Variants in SVEP1 observed in about 807,000 individuals in gnomAD.
SVEP1 encodes the protein sushi, von Willebrand factor type A, EGF and pentraxin domain-containing protein 1.
Under a neutral mutation model 367.3 loss-of-function variants are expected in SVEP1, and 164 were observed. That is an observed-to-expected ratio of 0.45 (90% CI 0.39 to 0.51). The LOEUF (loss-of-function observed/expected upper bound fraction) is 0.51, where lower values mean the gene tolerates loss of function less well. SVEP1 is among the 20% of genes least tolerant of loss of function. The pLI, the probability that SVEP1 is intolerant of heterozygous loss-of-function variation, is 0.00. For synonymous variants in SVEP1, 1,666 were observed against 1,611.6 expected (o/e 1.03, Z -0.81); for missense variants, 4,117 against 4,425.3 (o/e 0.93, Z 1.98).
At chr9:110,560,865 C>G (rs903586462) in intron 1 of SVEP1, among the ~76,000 whole-genome samples, 1 of 152,148 alleles carries the variant, frequency 6.6e-6, no homozygotes, top group Non-Finnish European at 1.5e-5. Flanking sequence ...TCTTGAAAAT[C>G]AAGAGTTGTT....
chr9:110,502,154 G>A (rs1197662492), intron 6 of SVEP1, among the ~76,000 whole-genome samples: 1 of 148,132 alleles, frequency 6.8e-6, no homozygotes. Context: ...TGGGGCTAGA[G>A]TGCAGTGCTG....
chr9:110,408,091 C>T lies in SVEP1; in HGVS notation c.7509G>A (p.Glu2503=), dbSNP rs377555961. Residue 2503 remains glutamate (E), a synonymous_variant, in exon 38 of 48, where the codon GAG becomes GAA. Coordinates refer to ENST00000374469, the MANE Select transcript of SVEP1 (RefSeq NM_153366.4). ...CKAIECLKPK[E]ILNGKFSYTD... is the part of the protein sequence containing the mutation. ...TGTAAGAGAATTTGCCATTCAAAAT[C>T]TCCTTGGGTTTCAGGCACTCAATGG... 1 of 1,613,820 alleles carries T rather than the reference C, an allele frequency of 6.2e-7. No homozygotes were observed. Among genetic ancestry groups the T allele is most frequent in the African/African-American group, 1.3e-5 (1 of 74,950 alleles).
chr9:110,439,007 T>A (rs1828473557), intron 27 of SVEP1, among the ~76,000 whole-genome samples: 1 of 152,190 alleles, frequency 6.6e-6, no homozygotes, highest in South Asian at 2.1e-4. Flanking sequence ...TTTTTTAGAA[T>A]TCTTACTTTA....
intron 44 of SVEP1, among the ~76,000 whole-genome samples, chr9:110,378,929 A>T (rs1827392023): frequency 6.6e-6 from 1 of 151,896 alleles, no homozygotes; most frequent in Admixed American, 6.6e-5. Flanking sequence ...AAAAGTCCAA[A>T]TCTGAACAGT....
intron 18 of SVEP1, among the ~76,000 whole-genome samples, chr9:110,463,698 A>G (rs1231440327): frequency 2.0e-5 from 3 of 151,998 alleles, no homozygotes; most frequent in Non-Finnish European, 4.4e-5. Flanking sequence ...GGTGAAAGAA[A>G]AAGAAAGGCA....
chr9:110,557,884 T>C (rs376749399), intron 1 of SVEP1, among the ~76,000 whole-genome samples: 3 of 152,188 alleles, frequency 2.0e-5, no homozygotes, highest in Non-Finnish European at 2.9e-5. Context: ...CAATCCCCAA[T>C]AGAACTTTCT....
rs538136813 is a variant in SVEP1, at chr9:110,455,948, G to C, written c.3674-245C>G. On this transcript the variant is annotated intron_variant, in intron 21 of 47. Transcript: ENST00000374469. ...AGCAAAAGATCCCAAATTAGAAGTGGGGTAGGAGCACTTGGAAGCATAAAA... is the reference window on the plus strand; with the variant it reads ...AGCAAAAGATCCCAAATTAGAAGTGCGGTAGGAGCACTTGGAAGCATAAAA... Among the ~76,000 whole-genome samples, 5 of 152,246 alleles carry C rather than the reference G, an allele frequency of 3.3e-5. No homozygotes were observed. In the South Asian group the frequency reaches 1.0e-3, roughly 32 times the overall value.
chr9:110,547,153 C>A (rs1416367401), intron 2 of SVEP1, among the ~76,000 whole-genome samples: 1 of 152,072 alleles, frequency 6.6e-6, no homozygotes, highest in Non-Finnish European at 1.5e-5. Flanking sequence ...ACATCCATCT[C>A]CATGCATCTA....
chr9:110,565,204 G>A (rs1359559656), intron 1 of SVEP1, among the ~76,000 whole-genome samples: 2 of 152,120 alleles, frequency 1.3e-5, no homozygotes, highest in Admixed American at 1.3e-4. Flanking sequence ...ATGATGCAGG[G>A]GAACGCTGAG....
intron 25 of SVEP1, 133 bp from the exon 26 acceptor site, chr9:110,446,171 A>G (rs1828595038): frequency 2.7e-6 from 2 of 750,414 alleles, no homozygotes; most frequent in Non-Finnish European, 4.3e-6. Context: ...TCAAAATTAA[A>G]TACATATTAT....
chr9:110,579,247 G>A lies in SVEP1; in HGVS notation c.297C>T (p.Phe99=), dbSNP rs1830663015. ...DDSSSVGEVN[F]RSELMFVRKL... is the part of the protein sequence containing the mutation. ...TGCGGACGAACATGAGCTCGCTGCG[G>A]AAGTTGACTTCGCCCACGCTGGACG... Residue 99 remains phenylalanine (F), a synonymous_variant, in exon 1 of 48, where the codon TTC becomes TTT. Transcript: ENST00000374469. This position sits in a 1 kb window ranked among gnomAD's most constrained non-coding sequence, Gnocchi z 5.3. The A allele has an allele frequency of 1.3e-6, 2 of 1,570,672 alleles. No homozygotes were observed. Among genetic ancestry groups the A allele is most frequent in the African/African-American group, 2.7e-5 (2 of 73,760 alleles).
chr9:110,490,717 C>T (rs2118727650), intron 8 of SVEP1, among the ~76,000 whole-genome samples: 1 of 152,110 alleles, frequency 6.6e-6, no homozygotes, highest in East Asian at 1.9e-4. Flanking sequence ...AATTCATATT[C>T]CCACTGTCAA....
chr9:110,484,752 A>T (rs553859458), intron 9 of SVEP1, among the ~76,000 whole-genome samples: 56 of 152,204 alleles, frequency 3.7e-4, no homozygotes, highest in African/African-American at 1.3e-3. Flanking sequence ...AGAAAAAAAA[A>T]ACCATTAAAA....
In SVEP1 at chr9:110,465,970, G is replaced by T. The variant is rs1424214326; in HGVS notation, c.3217C>A (p.Pro1073Thr). Residue 1073 changes from proline (P) to threonine (T), a missense_variant, in exon 18 of 48, where the codon CCA (proline) becomes ACA (threonine). Around this residue, in one of 4 missense-constraint regions of SVEP1, gnomAD observed 2,174 missense variants for 2,494.3 expected, o/e 0.87. Transcript: ENST00000374469. ...YSGLETCESC[P>T]LGTYQPKFGS... ...AATTTTGGCTGATAAGTGCCCAGTG[G>T]ACACGATTCACAAGTCTCAAGTCCA... 4 of 1,613,384 alleles carry T rather than the reference G, an allele frequency of 2.5e-6. No homozygotes were observed. The highest frequency in any genetic ancestry group is 3.4e-6 in the Non-Finnish European group (4 of 1,179,674).
chr9:110,405,040 C>CA (rs1171280774), intron 38 of SVEP1, among the ~76,000 whole-genome samples: 2 of 151,966 alleles, frequency 1.3e-5, no homozygotes, highest in African/African-American at 4.8e-5. Context: ...AACCAAAAAA[C>CA]AAAAAACCGG....
chr9:110,446,470 G>A (rs1353788712), intron 25 of SVEP1, among the ~76,000 whole-genome samples: 1 of 152,198 alleles, frequency 6.6e-6, no homozygotes, highest in Non-Finnish European at 1.5e-5. Flanking sequence ...GAGCAATTCA[G>A]CTCTGCCCCA....
chr9:110,491,875 C>G (rs1345989920), intron 8 of SVEP1, among the ~76,000 whole-genome samples: 1 of 151,852 alleles, frequency 6.6e-6, no homozygotes, highest in Non-Finnish European at 1.5e-5. Flanking sequence ...TTGAAGAAAG[C>G]TATGACTGTA....
At chr9:110,545,070 C>A (rs1274215561) in intron 3 of SVEP1, among the ~76,000 whole-genome samples, 3 of 152,116 alleles carry the variant, frequency 2.0e-5, no homozygotes, top group African/African-American at 4.8e-5. Flanking sequence ...CCAGGCTCAC[C>A]CACGTTGCCA....
intron 24 of SVEP1, among the ~76,000 whole-genome samples, chr9:110,448,144 TGTGTGCGC>T (rs762890781): frequency 0.13 from 10,023 of 79,788 alleles, 438 homozygotes; most frequent in Non-Finnish European, 0.15. Context: ...TGTGTGTGTG[TGTGTGCGC>T]GTGTGTGTGT....
Sources: gnomAD v4.1 joint callset for allele counts (sites outside exome capture counted in the v4.1 genomes callset) on GRCh38, gnomAD v4.1.1 for gene constraint, gnomAD v4.1.1 regional missense constraint, Gnocchi (gnomAD v3.1) non-coding constraint, MANE v1.5 for transcripts, NCBI Gene and HGNC (gene_info 2026-07-23, HGNC 2026-07-21) for gene names.